The following NKTR variants were observed in gnomAD, a reference collection of about 807,000 sequenced individuals.
NKTR encodes the protein natural killer cell triggering receptor.
Under a neutral mutation model 156.3 loss-of-function variants are expected in NKTR, and 67 were observed. That is an observed-to-expected ratio of 0.43 (90% CI 0.35 to 0.53). The LOEUF is 0.53. Among genes scored for constraint, NKTR ranks in the 20% least tolerant of loss-of-function variants. The pLI is 0.01. For synonymous variants in NKTR, 640 were observed against 596.6 expected (o/e 1.07, Z -1.06); for missense variants, 1,604 against 1,730.9 (o/e 0.93, Z 1.30).
intron 3 of NKTR, 87 bp downstream of exon 3, chr3:42,617,731 G>A: frequency 1.5e-6 from 1 of 668,744 alleles, no homozygotes; most frequent in Non-Finnish European, 2.6e-6. Flanking sequence ...GAAGAATAAT[G>A]GACTCGTGAA....
intron 2 of NKTR, among the ~76,000 whole-genome samples, chr3:42,609,230 G>A (rs1706538538): frequency 6.7e-6 from 1 of 149,590 alleles, no homozygotes; most frequent in African/African-American, 2.5e-5. Flanking sequence ...CTAGAAACTG[G>A]GGACAGAGGT....
At chr3:42,606,333 G>C (rs1577418244) in intron 2 of NKTR, among the ~76,000 whole-genome samples, 1 of 152,166 alleles carries the variant, frequency 6.6e-6, no homozygotes, top group South Asian at 2.1e-4. Flanking sequence ...TTCTATCACT[G>C]TTCTTGTAGA....
intron 6 of NKTR, chr3:42,630,080 A>C: frequency 1.0e-6 from 1 of 986,270 alleles, no homozygotes; most frequent in Non-Finnish European, 1.2e-6. Flanking sequence ...TCAGTATGAG[A>C]AATAACAAGA....
intron 2 of NKTR, chr3:42,602,806 CAGG>C (rs1705678828): frequency 6.6e-6 from 1 of 151,774 alleles, no homozygotes; most frequent in Non-Finnish European, 1.5e-5. Context: ...ATTTTGAGGT[CAGG>C]AGTTCGAGAC....
intron 3 of NKTR, among the ~76,000 whole-genome samples, chr3:42,618,051 T>C (rs1413160039): frequency 6.6e-6 from 1 of 151,992 alleles, no homozygotes; most frequent in Non-Finnish European, 1.5e-5. Context: ...TAATGTTACT[T>C]TAAAATTAGA....
Position 42,639,259 on chromosome 3 carries a change from T to A in NKTR, c.3555T>A (p.Ser1185Arg). 6.2e-7 allele frequency: 1 copy of A among 1,614,168 alleles called. No homozygotes were observed. Among genetic ancestry groups the A allele is most frequent in the Non-Finnish European group, 8.5e-7 (1 of 1,180,012 alleles). Residue 1185 changes from serine to arginine, a missense_variant, in exon 13 of 17, where the codon AGT becomes AGA. By Grantham distance (110) the Ser-to-Arg change is moderately radical. Around this residue, in one of 6 missense-constraint regions of NKTR, gnomAD observed 1,255 missense variants for 1,243.7 expected, o/e 1.01. Coordinates refer to ENST00000232978, the MANE Select transcript of NKTR (RefSeq NM_005385.4). Reference protein sequence around the residue: ...VVKQESSMSESKVLGEVGKQD... With the variant: ...VVKQESSMSERKVLGEVGKQD... ...AACAGGAAAGCAGCATGTCCGAAAG[T>A]AAAGTGTTGGGTGAAGTGGGGAAAC...
chr3:42,606,467 T>C (rs913893848), intron 2 of NKTR, among the ~76,000 whole-genome samples: 4 of 152,142 alleles, frequency 2.6e-5, no homozygotes, highest in Non-Finnish European at 5.9e-5. Flanking sequence ...ATTTAGGTAT[T>C]GTGCAGGTAG....
At chr3:42,619,607 T>C in intron 4 of NKTR, 57 bp from the exon 5 acceptor site, 3 of 1,597,982 alleles carry the variant, frequency 1.9e-6, no homozygotes, top group Non-Finnish European at 2.6e-6. Context: ...AAAAATGATT[T>C]CTGTGTTAGT....
chr3:42,643,906 T>C lies in NKTR; in HGVS notation c.4204T>C (p.Tyr1402His). 1 of 1,612,716 alleles carries C rather than the reference T, an allele frequency of 6.2e-7. No individual in the cohort carries two copies. The highest frequency in any genetic ancestry group is 1.1e-5 in the South Asian group (1 of 91,036). Residue 1402 changes from tyrosine to histidine, a missense_variant, in exon 16 of 17, where the codon TAC becomes CAC. By Grantham distance (83) the Tyr-to-His change is moderately conservative. Around this residue, in one of 6 missense-constraint regions of NKTR, gnomAD observed 193 missense variants for 220.2 expected, o/e 0.88. Coordinates refer to ENST00000232978, the MANE Select transcript of NKTR (RefSeq NM_005385.4). ...SYDPHSRSRSYTYDSYYSRSR... is the reference protein window; with the variant it reads ...SYDPHSRSRSHTYDSYYSRSR... The stretch of plus-strand genomic sequence containing the variant: ...TTGTTGTTGCCGTTAAAGCAGGTCC[T>C]ACACCTACGATAGCTACTATAGCAG...
intron 12 of NKTR, among the ~76,000 whole-genome samples, chr3:42,636,472 A>G (rs1392856462): frequency 1.3e-5 from 2 of 152,240 alleles, no homozygotes; most frequent in Non-Finnish European, 2.9e-5. Context: ...ATCTTCAGAA[A>G]ATCAACAAAT....
intron 11 of NKTR, 122 bp from the exon 12 acceptor site, chr3:42,635,099 G>A: frequency 1.8e-6 from 1 of 567,110 alleles, no homozygotes. Flanking sequence ...CCATCCTTTT[G>A]GTAACTTCAA....
At chr3:42,643,045 T>A (rs2125826357) in intron 14 of NKTR, among the ~76,000 whole-genome samples, 1 of 152,316 alleles carries the variant, frequency 6.6e-6, no homozygotes, top group Middle Eastern at 3.4e-3. Flanking sequence ...TGCTGTCACT[T>A]CACTTTACTT....
At chr3:42,630,405 A>T in intron 6 of NKTR, 141 bp from the exon 7 acceptor site, 1 of 1,490,370 alleles carries the variant, frequency 6.7e-7, no homozygotes, top group Admixed American at 2.4e-5. Flanking sequence ...TTAAGGTTAG[A>T]TATATATCAT....
In NKTR at chr3:42,639,613, T is replaced by C; in HGVS notation, c.3909T>C (p.Pro1303=). 1 of 1,614,202 alleles carries C rather than the reference T, an allele frequency of 6.2e-7. No homozygotes were observed. Among genetic ancestry groups the C allele is most frequent in the Non-Finnish European group, 8.5e-7 (1 of 1,180,028 alleles). The change falls in exon 13 of 17, where the codon CCT becomes CCC. Residue 1303 remains proline, a synonymous_variant. Coordinates refer to ENST00000232978, the MANE Select transcript of NKTR (RefSeq NM_005385.4). Reference sequence around the variant, plus strand: ...AGAGTTCAAGTGATGAGCAGACGCCTAGTCGGGATGATGATAGCCAGTCCA... The same window carrying C: ...AGAGTTCAAGTGATGAGCAGACGCCCAGTCGGGATGATGATAGCCAGTCCA... ...NQESSSDEQT[P]SRDDDSQSRS...
In NKTR at chr3:42,648,597, C is replaced by G. The variant is rs185054037; in HGVS notation, c.*2622C>G. ...TGTTTTTGTAACATCCTGTTTATTG[C>G]AAATAGCTAGTATCGTTCAAAAACT... is the stretch of plus-strand genomic sequence containing the variant. On this transcript the variant is annotated 3_prime_UTR_variant, in exon 17 of 17. Transcript: ENST00000232978. 462 of 152,686 alleles carry G rather than the reference C, an allele frequency of 3.0e-3. 3 individuals are homozygous for G. The highest frequency in any genetic ancestry group is 0.011 in the African/African-American group (446 of 41,542). The allele number at this position is 152,686 out of a possible 1,614,324, so 9.5% of individuals were successfully genotyped here. A position where few individuals can be genotyped will look rare whatever the true frequency, so the allele number is the denominator to read the frequency against.
chr3:42,617,558 A>G lies in NKTR; in HGVS notation c.59-12A>G. 6.6e-7 allele frequency: 1 copy of G among 1,505,956 alleles called. No homozygotes were observed. Among genetic ancestry groups the G allele is most frequent in the Non-Finnish European group, 9.2e-7 (1 of 1,083,396 alleles). The allele number at this position is 1,505,956 out of a possible 1,614,324, so 93.3% of individuals were successfully genotyped here. A position where few individuals can be genotyped will look rare whatever the true frequency, so the allele number is the denominator to read the frequency against. ...CTTGCTTACTATTTTTTTCCTATGT[A>G]TTTTATTTCAGTTGGTCGCATTATG... On this transcript the variant is annotated splice_polypyrimidine_tract_variant and intron_variant, in intron 2 of 16. Coordinates refer to ENST00000232978, the MANE Select transcript of NKTR (RefSeq NM_005385.4).
chr3:42,638,642 G>A lies in NKTR; in HGVS notation c.2938G>A (p.Gly980Arg). ...NRGKPQKHKH[G>R]SKENLKREHT... The stretch of plus-strand genomic sequence containing the variant: ...GGGAAAGCCACAAAAGCACAAACAT[G>A]GGTCAAAGGAAAATCTTAAAAGAGA... Residue 980 changes from glycine (G) to arginine (R), a missense_variant, in exon 13 of 17, where the codon GGG becomes AGG. Physicochemically the swap from Gly to Arg is moderately radical, Grantham distance 125 (BLOSUM62 -2). Transcript: ENST00000232978. 6.2e-7 allele frequency: 1 copy of A among 1,612,286 alleles called. No homozygotes were observed. The highest frequency in any genetic ancestry group is 8.5e-7 in the Non-Finnish European group (1 of 1,179,616).
At chr3:42,617,242 G>C (rs1216421310) in intron 2 of NKTR, among the ~76,000 whole-genome samples, 3 of 152,146 alleles carry the variant, frequency 2.0e-5, no homozygotes, top group Admixed American at 2.0e-4. Flanking sequence ...CAACTATTGA[G>C]AGTATTTTTA....
At chr3:42,627,544 A>G (rs1374495284) in intron 6 of NKTR, 7 of 984,816 alleles carry the variant, frequency 7.1e-6, no homozygotes, top group Non-Finnish European at 8.4e-6. Context: ...GTTCTCTGAT[A>G]ATGGTATAAA....
Sources: gnomAD v4.1 joint callset for allele counts (sites outside exome capture counted in the v4.1 genomes callset) on GRCh38, gnomAD v4.1.1 for gene constraint, gnomAD v4.1.1 regional missense constraint, MANE v1.5 for transcripts, NCBI Gene and HGNC (gene_info 2026-07-23, HGNC 2026-07-21) for gene names.